The following GRK4 variants were observed in gnomAD, a reference collection of about 807,000 sequenced individuals.
The protein encoded by GRK4 is G protein-coupled receptor kinase 2-like.
A neutral mutation model predicts 77.9 loss-of-function variants in GRK4; 73 were observed. That is an observed-to-expected ratio of 0.94 (90% CI 0.78 to 1.14). The LOEUF (loss-of-function observed/expected upper bound fraction) is 1.14. GRK4 is among the 50% of genes most tolerant of loss of function. GRK4 has a pLI of 0.00. For synonymous variants in GRK4, 257 were observed against 254.4 expected, an observed-to-expected ratio of 1.01 and a Z score of -0.10; for missense variants, 729 against 700.2, an observed-to-expected ratio of 1.04 and a Z score of -0.46.
rs1733994071 is a variant in GRK4, at chr4:3,014,844, C to T, written c.741+1016C>T. Among the ~76,000 whole-genome samples the T allele has an allele frequency of 2.6e-5, 4 of 152,206 alleles. No homozygotes were observed. The South Asian group carries it at 8.3e-4, about 32-fold the overall frequency. On this transcript the variant is annotated intron_variant, in intron 8 of 15. Transcript: ENST00000398052. ...ATCTCCCTATGTTGCTCAGGCTGGT[C>T]TTGAACTCCTGGGCTCAAGTGATCC...
At chr4:2,993,969 G>A (rs778885423) in intron 4 of GRK4, among the ~76,000 whole-genome samples, 20 of 152,084 alleles carry the variant, frequency 1.3e-4, no homozygotes, top group East Asian at 1.9e-4. Flanking sequence ...GGGGAGCTTC[G>A]TTGTACAAAA....
chr4:2,976,303 C>T (rs1231647770), intron 1 of GRK4, among the ~76,000 whole-genome samples: 1 of 151,794 alleles, frequency 6.6e-6, no homozygotes, highest in Non-Finnish European at 1.5e-5. Context: ...GCAGTCATGG[C>T]TCACTGCAGC....
At chr4:3,038,016 G>T (rs1209337290) in intron 14 of GRK4, among the ~76,000 whole-genome samples, 1 of 152,200 alleles carries the variant, frequency 6.6e-6, no homozygotes, top group Non-Finnish European at 1.5e-5. Context: ...AAGCACAGCG[G>T]CTGTCCCTGG....
chr4:3,035,531 C>G lies in GRK4; in HGVS notation c.1407+8C>G. The G allele has an allele frequency of 6.2e-7, 1 of 1,609,404 alleles. No individual in the cohort carries two copies. The highest frequency in any genetic ancestry group is 8.5e-7 in the Non-Finnish European group (1 of 1,177,794). ...CCCCCTTTCTGTCCTGATGTAAGTGCATTGCCAGGACGAGCAGGGCCCTAG... is the reference window on the plus strand; with the variant it reads ...CCCCCTTTCTGTCCTGATGTAAGTGGATTGCCAGGACGAGCAGGGCCCTAG... On this transcript the variant is annotated splice_region_variant and intron_variant, in intron 13 of 15. Coordinates refer to ENST00000398052, the MANE Select transcript of GRK4 (RefSeq NM_182982.3).
At position 3,040,657 on chromosome 4, in the gene GRK4, G is replaced by T; in HGVS notation, c.*32G>T. Reference sequence around the variant, plus strand: ...CGGTGCGGACCACAGAGCAGACCCTGGCGCCAGGAAGGAGCATGTGTTAGC... The same window carrying T: ...CGGTGCGGACCACAGAGCAGACCCTTGCGCCAGGAAGGAGCATGTGTTAGC... On this transcript the variant is annotated 3_prime_UTR_variant, in exon 16 of 16. Transcript: ENST00000398052. 2 of 1,594,856 alleles carry T rather than the reference G, an allele frequency of 1.3e-6. No individual in the cohort carries two copies. Among genetic ancestry groups the T allele is most frequent in the Non-Finnish European group, 8.6e-7 (1 of 1,167,910 alleles).
intron 4 of GRK4, among the ~76,000 whole-genome samples, chr4:3,001,892 C>A (rs1240164790): frequency 6.6e-6 from 1 of 152,170 alleles, no homozygotes; most frequent in African/African-American, 2.4e-5. Context: ...TTTCTTGTTT[C>A]TAATTACAAA....
At chr4:3,035,294 TC>T in intron 12 of GRK4, 91 bp from the exon 13 acceptor site, 1 of 1,288,580 alleles carries the variant, frequency 7.8e-7, no homozygotes, top group Non-Finnish European at 1.1e-6. Flanking sequence ...TGCTCTGCCC[TC>T]CCGAGTCCTT....
chr4:2,975,593 C>T (rs554430496), intron 1 of GRK4, among the ~76,000 whole-genome samples: 1 of 152,244 alleles, frequency 6.6e-6, no homozygotes, highest in African/African-American at 2.4e-5. Flanking sequence ...TCCCATGGCT[C>T]CACCCCCAGG....
chr4:3,033,650 G>A (rs920528217), intron 12 of GRK4, among the ~76,000 whole-genome samples: 13 of 152,270 alleles, frequency 8.5e-5, no homozygotes, highest in African/African-American at 3.1e-4. Context: ...ACAGTGGTGC[G>A]ACCTCAGCTC....
intron 1 of GRK4, among the ~76,000 whole-genome samples, chr4:2,968,024 C>G (rs1272730896): frequency 6.6e-6 from 1 of 151,638 alleles, no homozygotes; most frequent in African/African-American, 2.4e-5. Flanking sequence ...CTCCTGATCA[C>G]AGGTGATCCA....
chr4:2,969,083 G>C (rs1346751632), intron 1 of GRK4: 1 of 152,360 alleles, frequency 6.6e-6, no homozygotes, highest in Non-Finnish European at 1.5e-5. Flanking sequence ...TAGTAAGCAG[G>C]CATAGGCCAT....
At chr4:2,998,110 A>T (rs1006234112) in intron 4 of GRK4, among the ~76,000 whole-genome samples, 1 of 152,038 alleles carries the variant, frequency 6.6e-6, no homozygotes, top group African/African-American at 2.4e-5. Flanking sequence ...GTGATCCAGC[A>T]CTTTGGGAGG....
intron 12 of GRK4, among the ~76,000 whole-genome samples, chr4:3,031,771 G>A (rs959201811): frequency 6.6e-6 from 1 of 152,192 alleles, no homozygotes; most frequent in Admixed American, 6.5e-5. Flanking sequence ...TGTGACCAGG[G>A]AGAGAGTGGC....
At chr4:2,979,434 C>T (rs1722203968) in intron 1 of GRK4, among the ~76,000 whole-genome samples, 1 of 145,342 alleles carries the variant, frequency 6.9e-6, no homozygotes, top group South Asian at 2.1e-4. Context: ...AAAGAGTGGC[C>T]AGGCACGGTG....
intron 1 of GRK4, chr4:2,965,406 G>C: frequency 1.4e-6 from 1 of 703,054 alleles, no homozygotes; most frequent in Non-Finnish European, 2.6e-6. Flanking sequence ...TGCTAGCCAC[G>C]GTAGTTCTTC....
rs11935128 is a variant in GRK4 at position 3,013,890 on chromosome 4, A to G, written c.741+62A>G. The G allele has an allele frequency of 3.2e-3, 4,798 of 1,505,360 alleles. 145 individuals are homozygous for G. The African/African-American group carries it at 0.064, about 20-fold the overall frequency. The allele number at this position is 1,505,360 out of a possible 1,614,324, so 93.3% of individuals were successfully genotyped here. On this transcript the variant is annotated intron_variant, in intron 8 of 15. Transcript: ENST00000398052. ...TGATTCATAGCACTTTTGTCAGCCG[A>G]CATGCCGCTCAGCTCACGCTCACTG...
At chr4:2,964,279 C>A (rs1716734504) in intron 1 of GRK4, among the ~76,000 whole-genome samples, 157 bp downstream of exon 1, 1 of 152,082 alleles carries the variant, frequency 6.6e-6, no homozygotes, top group South Asian at 2.1e-4. Context: ...CTGCACGGAG[C>A]CGGAGCCGGG....
At chr4:2,965,240 T>C (rs1044350985) in intron 1 of GRK4, 1 of 702,854 alleles carries the variant, frequency 1.4e-6, no homozygotes, top group Admixed American at 2.0e-5. Flanking sequence ...CTGGTCTCTC[T>C]AGTCCTCTGC....
At position 3,026,530 on chromosome 4, in the gene GRK4, G is replaced by C. The variant is rs549677504; in HGVS notation, c.971-1382G>C. ...GGATCGCTTGAGCCCAGGAGTTCAA[G>C]ACCAGCCTGGGCAACATGACCAAAC... On this transcript the variant is annotated intron_variant, in intron 10 of 15. Coordinates refer to ENST00000398052, the MANE Select transcript of GRK4 (RefSeq NM_182982.3). Among the ~76,000 whole-genome samples the C allele has an allele frequency of 3.9e-5, 6 of 152,266 alleles. No individual in the cohort carries two copies. The South Asian group carries it at 1.2e-3, about 32-fold the overall frequency.
Sources: allele counts gnomAD v4.1 joint callset (sites outside exome capture counted in the v4.1 genomes callset), GRCh38; gene constraint gnomAD v4.1.1; transcripts MANE v1.5; gene names NCBI Gene and HGNC (gene_info 2026-07-23, HGNC 2026-07-21).